The following LIPC variants were observed in gnomAD, a reference collection of about 807,000 sequenced individuals.
LIPC encodes the protein hepatic triacylglycerol lipase.
In LIPC, 44 loss-of-function variants were observed where a neutral mutation model predicts 50.7. The observed-to-expected ratio is 0.87, with a 90% CI of 0.68 to 1.11. The LOEUF is 1.11. Among genes scored for constraint, LIPC ranks in the 50% most tolerant of loss-of-function variants. The pLI, the probability that LIPC is intolerant of heterozygous loss-of-function variation, is 0.00. For missense variants in LIPC, 697 were observed against 648.2 expected, an observed-to-expected ratio of 1.08 and a Z score of -0.82; for synonymous variants, 271 against 256.4, an observed-to-expected ratio of 1.06 and a Z score of -0.54.
chr15:58,499,726 G>A (rs770430096), intron 1 of LIPC, among the ~76,000 whole-genome samples: 7 of 152,168 alleles, frequency 4.6e-5, no homozygotes, highest in South Asian at 4.1e-4. Flanking sequence ...GGAGCCACCC[G>A]AAATGCTAAA....
chr15:58,462,124 T>C (rs1894373244), intron 1 of LIPC, among the ~76,000 whole-genome samples: 1 of 152,220 alleles, frequency 6.6e-6, no homozygotes, highest in Non-Finnish European at 1.5e-5. Context: ...TTTTCCTGTT[T>C]CTTGCATGCA....
At chr15:58,567,265 A>ATGTGTGTG (rs113085870) in intron 8 of LIPC, among the ~76,000 whole-genome samples, 2,589 of 118,252 alleles carry the variant, frequency 0.022, 54 homozygotes, top group Middle Eastern at 0.041. Flanking sequence ...ATATATGTAT[A>ATGTGTGTG]TGTGTGTGTG....
At chr15:58,515,443 T>A (rs1892454951) in intron 1 of LIPC, among the ~76,000 whole-genome samples, 1 of 152,134 alleles carries the variant, frequency 6.6e-6, no homozygotes, top group African/African-American at 2.4e-5. Flanking sequence ...GGCACATTCA[T>A]AACTCATAAC....
intron 1 of LIPC, among the ~76,000 whole-genome samples, chr15:58,463,946 G>A (rs1387221682): frequency 6.6e-6 from 1 of 152,108 alleles, no homozygotes; most frequent in Non-Finnish European, 1.5e-5. Flanking sequence ...TTAACAGATA[G>A]TTACATTGAT....
chr15:58,542,090 A>G, intron 3 of LIPC, 123 bp downstream of exon 3: 1 of 1,129,072 alleles, frequency 8.9e-7, no homozygotes. Flanking sequence ...CTCAGCTCAC[A>G]GGAATGAGAA....
chr15:58,436,926 G>T (rs60449985), intron 1 of LIPC: 2 of 449,496 alleles, frequency 4.4e-6, no homozygotes, highest in Admixed American at 4.9e-5. Flanking sequence ...GGAAGAAAAA[G>T]AAAAAATATC....
intron 1 of LIPC, among the ~76,000 whole-genome samples, chr15:58,489,952 T>A (rs1891528506): frequency 6.6e-6 from 1 of 152,152 alleles, no homozygotes. Flanking sequence ...CAGATTTCTC[T>A]GTCATCATTT....
At chr15:58,519,204 C>T (rs895496965) in intron 1 of LIPC, among the ~76,000 whole-genome samples, 2 of 151,882 alleles carry the variant, frequency 1.3e-5, no homozygotes, top group Admixed American at 6.6e-5. Context: ...GTCAGGAGAT[C>T]GAGACCATCC....
At chr15:58,544,329 G>T (rs985417262) in intron 4 of LIPC, among the ~76,000 whole-genome samples, 18 of 151,538 alleles carry the variant, frequency 1.2e-4, no homozygotes, top group Non-Finnish European at 1.6e-4. Context: ...CCCTCTTGCC[G>T]TCTTGTCATC....
intron 1 of LIPC, among the ~76,000 whole-genome samples, chr15:58,505,235 G>A (rs949278965): frequency 5.9e-5 from 9 of 152,342 alleles, no homozygotes; most frequent in East Asian, 3.9e-4. Context: ...AGGAGCAGAC[G>A]GAGGCCACAT....
At chr15:58,434,557 C>T (rs1037584162) in intron 1 of LIPC, among the ~76,000 whole-genome samples, 13 of 152,236 alleles carry the variant, frequency 8.5e-5, no homozygotes, top group Non-Finnish European at 1.5e-4. Context: ...GTCGAGCCCA[C>T]ACCCAGTGAT....
intron 1 of LIPC, among the ~76,000 whole-genome samples, chr15:58,517,235 A>AC (rs1892511693): frequency 6.6e-6 from 1 of 152,242 alleles, no homozygotes; most frequent in African/African-American, 2.4e-5. Flanking sequence ...CAAGGTTTTG[A>AC]CCAATACCCA....
intron 1 of LIPC, among the ~76,000 whole-genome samples, chr15:58,505,001 G>A (rs1282367475): frequency 6.6e-6 from 1 of 152,184 alleles, no homozygotes; most frequent in Non-Finnish European, 1.5e-5. Flanking sequence ...GTCAAACCAA[G>A]CTACAAAAAC....
chr15:58,506,882 T>C (rs1892167916), intron 1 of LIPC, among the ~76,000 whole-genome samples: 1 of 152,184 alleles, frequency 6.6e-6, no homozygotes, highest in South Asian at 2.1e-4. Flanking sequence ...TGACTCACAG[T>C]TCAGCATGGC....
At chr15:58,478,770 G>T (rs1891088248) in intron 1 of LIPC, among the ~76,000 whole-genome samples, 1 of 152,178 alleles carries the variant, frequency 6.6e-6, no homozygotes, top group African/African-American at 2.4e-5. Flanking sequence ...CAGAACTATA[G>T]TTCAGTGGGC....
intron 1 of LIPC, among the ~76,000 whole-genome samples, chr15:58,484,795 T>C (rs1202003047): frequency 6.6e-6 from 1 of 152,218 alleles, no homozygotes; most frequent in Non-Finnish European, 1.5e-5. Flanking sequence ...AAATGGAGTA[T>C]GCCAACTGAG....
chr15:58,556,175 C>G (rs1400646001), intron 6 of LIPC, among the ~76,000 whole-genome samples: 1 of 152,174 alleles, frequency 6.6e-6, no homozygotes. Context: ...CAAATGGGAG[C>G]TATTTTATCA....
Position 58,530,911 on chromosome 15 carries a change from T to C in LIPC, c.89-7422T>C, listed in dbSNP as rs1410232023. Among the ~76,000 whole-genome samples, 6 of 152,246 alleles carry C rather than the reference T, an allele frequency of 3.9e-5. No homozygotes were observed. The East Asian group carries it at 1.2e-3, about 29-fold the overall frequency. ...GACAATTTGTTTATCCATTTACCAG[T>C]TGATAGATATTTGGGTTGTTTCAGA... is the stretch of plus-strand genomic sequence containing the variant. On this transcript the variant is annotated intron_variant, in intron 1 of 8. Transcript: ENST00000299022.
rs186976843 is a variant in LIPC, at chr15:58,506,734, G to T, written c.89-31599G>T. 7.9e-4 allele frequency among the ~76,000 whole-genome samples: 121 copies of T among 152,312 alleles called. 1 individual carries two copies. The highest frequency in any genetic ancestry group is 2.8e-3 in the African/African-American group (117 of 41,572). On this transcript the variant is annotated intron_variant, in intron 1 of 8. Transcript: ENST00000299022. ...TGTTCCCAACTCCTAAGCCCTGCTGGCTCCCTCTGCCCCCCACCCTGACGT... is the reference window on the plus strand; with the variant it reads ...TGTTCCCAACTCCTAAGCCCTGCTGTCTCCCTCTGCCCCCCACCCTGACGT...
Sources: allele counts gnomAD v4.1 joint callset (sites outside exome capture counted in the v4.1 genomes callset), GRCh38; gene constraint gnomAD v4.1.1; transcripts MANE v1.5; gene names NCBI Gene and HGNC (gene_info 2026-07-23, HGNC 2026-07-21).